Variants in ARHGAP26 observed in about 807,000 individuals in gnomAD.
ARHGAP26 encodes the protein Rho GTPase activating protein 26, also known as rho GTPase-activating protein 26.
In ARHGAP26, 38 loss-of-function variants were observed where a neutral mutation model predicts 104.8. The ratio of observed to expected loss-of-function variants is 0.36; its 90% CI spans 0.28 to 0.48. ARHGAP26 has a LOEUF of 0.48. Ranked by LOEUF, ARHGAP26 falls within the 20% of genes least tolerant of loss-of-function variation. The pLI, the probability that ARHGAP26 is intolerant of heterozygous loss-of-function variation, is 0.99. For synonymous variants in ARHGAP26, 341 were observed against 340.0 expected, an observed-to-expected ratio of 1.00 and a Z score of -0.03; for missense variants, 704 against 947.9, an observed-to-expected ratio of 0.74 and a Z score of 3.38.
chr5:142,971,227 A>C (rs1772221052), intron 11 of ARHGAP26, among the ~76,000 whole-genome samples: 2 of 152,206 alleles, frequency 1.3e-5, no homozygotes, highest in Non-Finnish European at 2.9e-5. Context: ...TTTGTAAGGG[A>C]CTATGCTTGG....
At chr5:142,984,225 C>T (rs925963408) in intron 11 of ARHGAP26, among the ~76,000 whole-genome samples, 8 of 152,168 alleles carry the variant, frequency 5.3e-5, no homozygotes, top group Non-Finnish European at 7.3e-5. Context: ...TGCCAGAAAT[C>T]GCCTGTATAT....
At chr5:142,982,466 G>A (rs1774081872) in intron 11 of ARHGAP26, among the ~76,000 whole-genome samples, 1 of 152,134 alleles carries the variant, frequency 6.6e-6, no homozygotes, top group Non-Finnish European at 1.5e-5. Flanking sequence ...CCTACTGTTT[G>A]GACTTTACTA....
At chr5:142,793,746 C>G (rs1171418890) in intron 1 of ARHGAP26, among the ~76,000 whole-genome samples, 1 of 152,010 alleles carries the variant, frequency 6.6e-6, no homozygotes, top group South Asian at 2.1e-4. Context: ...CGCCACCATG[C>G]CTAGCTAATT....
chr5:142,986,858 G>A (rs1355200849), intron 11 of ARHGAP26, among the ~76,000 whole-genome samples: 1 of 152,168 alleles, frequency 6.6e-6, no homozygotes, highest in African/African-American at 2.4e-5. Context: ...TGTTCAATTG[G>A]TCTGTATCTC....
At chr5:143,092,440 A>G (rs918657192) in intron 17 of ARHGAP26, among the ~76,000 whole-genome samples, 3 of 152,178 alleles carry the variant, frequency 2.0e-5, no homozygotes, top group Non-Finnish European at 2.9e-5. Flanking sequence ...CTGGGATTAC[A>G]GGCGTGAGCC....
At chr5:142,847,446 C>A (rs896586068) in intron 1 of ARHGAP26, among the ~76,000 whole-genome samples, 1 of 152,050 alleles carries the variant, frequency 6.6e-6, no homozygotes, top group Non-Finnish European at 1.5e-5. Flanking sequence ...CAACCTCTGC[C>A]TCCCGGGTTC....
rs116219707 is a variant in ARHGAP26, at chr5:142,812,423, G to A, written c.154+41508G>A. Among the ~76,000 whole-genome samples the A allele has an allele frequency of 7.8e-3, 1,183 of 151,516 alleles. 19 individuals are homozygous for A. The highest frequency in any genetic ancestry group is 0.027 in the African/African-American group (1,128 of 41,216). ...GTAATCTTGGCTCAGTGCAACCTCT[G>A]CCTCCTTGGGTTCAAGCAATTCTCG... On this transcript the variant is annotated intron_variant, in intron 1 of 22. Transcript: ENST00000645722.
chr5:142,936,755 A>G (rs1765477720), intron 11 of ARHGAP26, among the ~76,000 whole-genome samples: 1 of 152,106 alleles, frequency 6.6e-6, no homozygotes, highest in Non-Finnish European at 1.5e-5. Flanking sequence ...CAGAGGTGCA[A>G]AAGCAGTTCA....
intron 12 of ARHGAP26, among the ~76,000 whole-genome samples, chr5:143,026,668 C>T (rs1391390594): frequency 6.6e-6 from 1 of 151,942 alleles, no homozygotes; most frequent in African/African-American, 2.4e-5. Context: ...CCATGTGGGG[C>T]CAGGAGATAA....
intron 11 of ARHGAP26, among the ~76,000 whole-genome samples, chr5:142,964,904 G>A (rs1235002395): frequency 6.6e-6 from 1 of 152,088 alleles, no homozygotes; most frequent in African/African-American, 2.4e-5. Context: ...ACCAATGCGC[G>A]GAGACCAGTG....
intron 1 of ARHGAP26, among the ~76,000 whole-genome samples, chr5:142,859,023 T>G (rs1009307439): frequency 7.2e-5 from 11 of 152,042 alleles, no homozygotes; most frequent in Non-Finnish European, 1.5e-4. Context: ...GCAAGGCCAG[T>G]GGGGTGTGCA....
At chr5:143,216,316 C>A (rs1005097220) in intron 22 of ARHGAP26, 1 of 470,712 alleles carries the variant, frequency 2.1e-6, no homozygotes, top group Admixed American at 2.3e-5. Context: ...CTGCCATAAC[C>A]CCCTCTTTAC....
chr5:142,858,236 A>G (rs1162906938), intron 1 of ARHGAP26, among the ~76,000 whole-genome samples: 3 of 152,124 alleles, frequency 2.0e-5, no homozygotes, highest in Non-Finnish European at 4.4e-5. Context: ...GTTTATTTAA[A>G]ATTCTGGCCT....
chr5:143,039,446 T>TCTGC (rs1598752876), intron 13 of ARHGAP26, among the ~76,000 whole-genome samples: 1 of 152,120 alleles, frequency 6.6e-6, no homozygotes, highest in African/African-American at 2.4e-5. Context: ...CCTCAAGTGA[T>TCTGC]CTGCCCACCT....
intron 17 of ARHGAP26, among the ~76,000 whole-genome samples, chr5:143,060,791 G>A (rs1008902800): frequency 3.9e-5 from 6 of 152,118 alleles, no homozygotes; most frequent in Middle Eastern, 6.8e-3. Flanking sequence ...TATTTTGCAG[G>A]TAATTATTAT....
At chr5:142,825,977 A>C (rs1299875066) in intron 1 of ARHGAP26, among the ~76,000 whole-genome samples, 1 of 152,128 alleles carries the variant, frequency 6.6e-6, no homozygotes, top group Non-Finnish European at 1.5e-5. Flanking sequence ...CCGAGGAGAG[A>C]TGATGAGGAA....
intron 11 of ARHGAP26, among the ~76,000 whole-genome samples, chr5:142,976,077 C>T (rs1481802885): frequency 6.6e-6 from 1 of 152,172 alleles, no homozygotes; most frequent in African/African-American, 2.4e-5. Context: ...GAAATTCTCA[C>T]TCTATCTGGA....
At position 143,032,871 on chromosome 5, in the gene ARHGAP26, A is replaced by C. The variant is rs145395088; in HGVS notation, c.1145-4325A>C. Among the ~76,000 whole-genome samples, 187 of 152,090 alleles carry C rather than the reference A, an allele frequency of 1.2e-3. 1 individual carries two copies. The highest frequency in any genetic ancestry group is 4.3e-3 in the African/African-American group (177 of 41,386). ...TGTGTGTGTGTGAAAAAGAAGAGAC[A>C]AAGAGAGATGGGGGTCCCCAGGCAG... On this transcript the variant is annotated intron_variant, in intron 12 of 22. Coordinates refer to ENST00000645722, the MANE Select transcript of ARHGAP26 (RefSeq NM_001135608.3).
chr5:142,959,670 G>A (rs1769879616), intron 11 of ARHGAP26, among the ~76,000 whole-genome samples: 1 of 152,216 alleles, frequency 6.6e-6, no homozygotes, highest in South Asian at 2.1e-4. Context: ...ACCAGCCAGA[G>A]AAAACTTCCT....
Sources: allele counts gnomAD v4.1 joint callset (sites outside exome capture counted in the v4.1 genomes callset), GRCh38; gene constraint gnomAD v4.1.1; transcripts MANE v1.5; gene names NCBI Gene and HGNC (gene_info 2026-07-23, HGNC 2026-07-21).